Variants in CHFR observed in about 807,000 individuals in gnomAD.
CHFR encodes E3 ubiquitin-protein ligase CHFR.
A neutral mutation model predicts 87.6 loss-of-function variants in CHFR; 57 were observed. The observed-to-expected ratio is 0.65, with a 90% confidence interval of 0.53 to 0.81. The LOEUF (loss-of-function observed/expected upper bound fraction) is 0.81. CHFR is among the 30% of genes least tolerant of loss of function. The pLI is 0.00. For missense variants in CHFR, 797 were observed against 865.8 expected, an observed-to-expected ratio of 0.92 and a Z score of 1.00; for synonymous variants, 381 against 359.2, an observed-to-expected ratio of 1.06 and a Z score of -0.69.
intron 8 of CHFR, among the ~76,000 whole-genome samples, chr12:132,858,140 T>C (rs927727293): frequency 2.0e-5 from 3 of 152,148 alleles, no homozygotes; most frequent in African/African-American, 7.2e-5. Flanking sequence ...GCAGATTACC[T>C]GAGTGCAGGA....
intron 17 of CHFR, among the ~76,000 whole-genome samples, chr12:132,842,296 T>C (rs1256597525): frequency 6.6e-6 from 1 of 152,208 alleles, no homozygotes; most frequent in East Asian, 1.9e-4. Context: ...CCAGCATGGC[T>C]GCACATTTCT....
chr12:132,848,394 C>A, intron 13 of CHFR: 1 of 760,810 alleles, frequency 1.3e-6, no homozygotes, highest in South Asian at 1.6e-5. Context: ...ATCGTAACAG[C>A]AGAACCCCGC....
rs181349929 is a variant in CHFR, at chr12:132,846,512, C to T, written c.1735+531G>A. 5.5e-3 allele frequency among the ~76,000 whole-genome samples: 840 copies of T among 151,702 alleles called. 11 individuals carry two copies. The highest frequency in any genetic ancestry group is 0.052 in the South Asian group (251 of 4,788). On this transcript the variant is annotated intron_variant, in intron 15 of 17. Coordinates refer to ENST00000450056, the MANE Select transcript of CHFR (RefSeq NM_001161346.2). ...GTCTCAATCTCTTGACCTCATGATC[C>T]GCCCGCCTCAGCCTCCCAAAGTGCT...
intron 11 of CHFR, among the ~76,000 whole-genome samples, chr12:132,852,218 G>C (rs1950964916): frequency 6.6e-6 from 1 of 150,882 alleles, no homozygotes; most frequent in East Asian, 2.0e-4. Context: ...TCAATCTCTT[G>C]ACCTTGTGAT....
intron 2 of CHFR, among the ~76,000 whole-genome samples, chr12:132,879,366 T>A (rs986098004): frequency 6.6e-6 from 1 of 151,480 alleles, no homozygotes; most frequent in South Asian, 2.1e-4. Flanking sequence ...CTGAATACAG[T>A]AATTCTGACA....
rs1950688232 is a variant in CHFR at position 132,840,528 on chromosome 12, A to G, written c.*1026T>C. ...ACAAGGATAACAGGTGATTTCAACA[A>G]AAGATAAAAAACTTTTTTTTCCAAA... is the stretch of plus-strand genomic sequence containing the variant. On this transcript the variant is annotated 3_prime_UTR_variant, in exon 18 of 18. Transcript: ENST00000450056. The G allele has an allele frequency of 6.5e-6, 1 of 152,676 alleles. No individual in the cohort carries two copies. The highest frequency in any genetic ancestry group is 2.1e-4 in the South Asian group (1 of 4,836). 9.5% of individuals were successfully genotyped at this position (152,676 alleles called of 1,614,324 possible). A position where few individuals can be genotyped will look rare whatever the true frequency, so the allele number is the denominator to read the frequency against.
At chr12:132,851,766 A>C in intron 11 of CHFR, 29 bp from the exon 12 acceptor site, 4 of 1,596,148 alleles carry the variant, frequency 2.5e-6, no homozygotes, top group Non-Finnish European at 3.4e-6. Context: ...CAGCCGGAGC[A>C]CGTGGGACCC....
At chr12:132,843,686 G>C (rs186340199) in intron 16 of CHFR, among the ~76,000 whole-genome samples, 3 of 152,204 alleles carry the variant, frequency 2.0e-5, no homozygotes, top group Admixed American at 6.5e-5. Context: ...AAGAGTGCTG[G>C]CCGAGCGTGG....
rs1965935 is a variant in CHFR at position 132,834,889 on chromosome 12, G to T, written c.*6665C>A. Reference sequence around the variant, plus strand: ...CACCACCACGCCCGGCTAATTTTTTGGTATTTTTTAGTAGAGACGGGGTTT... The same window carrying T: ...CACCACCACGCCCGGCTAATTTTTTTGTATTTTTTAGTAGAGACGGGGTTT... On this transcript the variant is annotated 3_prime_UTR_variant, in exon 18 of 18. Coordinates refer to ENST00000450056, the MANE Select transcript of CHFR (RefSeq NM_001161346.2). 0.97 allele frequency: 146,247 copies of T among 151,530 alleles called. 70,791 individuals carry two copies. The highest frequency in any genetic ancestry group is 1 in the South Asian group (4,788 of 4,790). The allele number at this position is 151,530 out of a possible 1,614,324, so 9.4% of individuals were successfully genotyped here. A position where few individuals can be genotyped will look rare whatever the true frequency, so the allele number is the denominator to read the frequency against.
chr12:132,882,383 C>T (rs1025653351), intron 2 of CHFR, among the ~76,000 whole-genome samples: 3 of 152,194 alleles, frequency 2.0e-5, no homozygotes, highest in Non-Finnish European at 2.9e-5. Context: ...GGGGACCTTT[C>T]AGGGTGACGA....
chr12:132,846,662 C>T (rs963468830), intron 15 of CHFR, among the ~76,000 whole-genome samples: 36 of 152,160 alleles, frequency 2.4e-4, no homozygotes, highest in African/African-American at 8.2e-4. Context: ...GGGCAGATCA[C>T]CTGAAGTCAG....
intron 9 of CHFR, 142 bp from the exon 10 acceptor site, chr12:132,856,772 G>C (rs1389613812): frequency 1.1e-6 from 1 of 950,834 alleles, no homozygotes; most frequent in African/African-American, 1.6e-5. Context: ...GGGTGCTGGT[G>C]GAGGGACTGC....
chr12:132,836,408 C>T lies in CHFR; in HGVS notation c.*5146G>A. The T allele has an allele frequency of 6.0e-6, 2 of 335,236 alleles. No individual in the cohort carries two copies. The highest frequency in any genetic ancestry group is 8.8e-5 in the East Asian group (1 of 11,350). The allele number at this position is 335,236 out of a possible 1,614,324, so 20.8% of individuals were successfully genotyped here. The stretch of plus-strand genomic sequence containing the variant: ...AGTGACAGGCTCCCAGCACGGCGCT[C>T]GGCCCTCACAGTGACAGGCTCCCAG... On this transcript the variant is annotated 3_prime_UTR_variant, in exon 18 of 18. Transcript: ENST00000450056.
chr12:132,875,356 T>C (rs1305520371), intron 3 of CHFR, among the ~76,000 whole-genome samples: 1 of 152,154 alleles, frequency 6.6e-6, no homozygotes. Context: ...AAGACGCACA[T>C]TCTGGCCGGG....
At chr12:132,879,652 G>T (rs763591670) in intron 2 of CHFR, among the ~76,000 whole-genome samples, 2 of 152,118 alleles carry the variant, frequency 1.3e-5, no homozygotes, top group Non-Finnish European at 2.9e-5. Context: ...GCTTCTCAAA[G>T]TGCTGGGATT....
At chr12:132,856,400 G>A (rs1042783746) in intron 10 of CHFR, 68 bp downstream of exon 10, 5 of 1,543,898 alleles carry the variant, frequency 3.2e-6, no homozygotes, top group Non-Finnish European at 4.5e-6. Context: ...CCAGTAGTGA[G>A]CTCTCGGTCA....
intron 2 of CHFR, among the ~76,000 whole-genome samples, chr12:132,886,797 G>T (rs1951904507): frequency 6.6e-6 from 1 of 152,094 alleles, no homozygotes; most frequent in Admixed American, 6.5e-5. Flanking sequence ...TCAAAACAAG[G>T]TCCCCGTTGT....
Position 132,844,078 on chromosome 12 carries a change from G to A in CHFR, c.1792C>T (p.Arg598Cys), listed in dbSNP as rs376798546. Residue 598 changes from arginine (R) to cysteine (C), a missense_variant, in exon 16 of 18, where the codon CGT (arginine) becomes TGT (cysteine). Coordinates refer to ENST00000450056, the MANE Select transcript of CHFR (RefSeq NM_001161346.2). ...LCYCCGLRSF[R>C]ELTYQYRQNI... ...TGCCGATACTGATAGGTCAGCTCACGGAAGCTGCGCAGGCCACAGCAGTAA... is the reference window on the plus strand; with the variant it reads ...TGCCGATACTGATAGGTCAGCTCACAGAAGCTGCGCAGGCCACAGCAGTAA... 21 of 1,613,780 alleles carry A rather than the reference G, an allele frequency of 1.3e-5. No homozygotes were observed. The highest frequency in any genetic ancestry group is 2.2e-5 in the East Asian group (1 of 44,882).
intron 7 of CHFR, among the ~76,000 whole-genome samples, chr12:132,860,770 GA>G (rs1951193488): frequency 6.6e-6 from 1 of 151,826 alleles, no homozygotes; most frequent in South Asian, 2.1e-4. Context: ...TCTTTTTTTT[GA>G]GATGGAGTTT....
Sources: allele counts gnomAD v4.1 joint callset (sites outside exome capture counted in the v4.1 genomes callset), GRCh38; gene constraint gnomAD v4.1.1; transcripts MANE v1.5; gene names NCBI Gene and HGNC (gene_info 2026-07-23, HGNC 2026-07-21).